RTN3: variants seen among roughly 807,000 people sequenced by gnomAD.
The protein encoded by RTN3 is reticulon 3.
RTN3 carries 49 observed loss-of-function variants against 77.8 expected under a neutral mutation model. The ratio of observed to expected loss-of-function variants is 0.63; its 90% confidence interval spans 0.50 to 0.80. RTN3 has a LOEUF of 0.80. RTN3 is among the 30% of genes least tolerant of loss of function. The pLI, the probability that RTN3 is intolerant of heterozygous loss-of-function variation, is 0.00. For synonymous variants in RTN3, 464 were observed against 446.9 expected (o/e 1.04, Z -0.48); for missense variants, 1,236 against 1,211.9 (o/e 1.02, Z -0.29).
chr11:63,689,366 A>G (rs1183384462), intron 1 of RTN3, among the ~76,000 whole-genome samples: 2 of 152,228 alleles, frequency 1.3e-5, no homozygotes, highest in Non-Finnish European at 2.9e-5. Flanking sequence ...ATTTTGGATC[A>G]TAGGGTATGG....
rs995646961 is a variant in RTN3 at position 63,681,542 on chromosome 11, C to T, written c.-95C>T. The T allele has an allele frequency of 9.1e-6, 12 of 1,322,596 alleles. No individual in the cohort carries two copies. The African/African-American group carries it at 1.2e-4, about 13-fold the overall frequency. 81.9% of individuals were successfully genotyped at this position (1,322,596 alleles called of 1,614,324 possible). A position where few individuals can be genotyped will look rare whatever the true frequency, so the allele number is the denominator to read the frequency against. ...CCTCGGAGCAGGCGGAGTAAAGGGA[C>T]TTGAGCGAGCCAGTTGCCGGATTAT... On this transcript the variant is annotated 5_prime_UTR_variant, in exon 1 of 9. Transcript: ENST00000377819.
chr11:63,753,817 C>T, intron 7 of RTN3, 109 bp downstream of exon 7: 8 of 1,022,298 alleles, frequency 7.8e-6, no homozygotes, highest in Middle Eastern at 4.6e-4. Context: ...ACTATTTCTA[C>T]AATCTAATTT....
In RTN3 at chr11:63,684,079, G is replaced by C. The variant is rs1314829006; in HGVS notation, c.142+2301G>C. ...TGATTCTCATGCTTCAGCCACCCGAGTAGCTGGAATTACAGGCGTGTGCCA... is the reference window on the plus strand; with the variant it reads ...TGATTCTCATGCTTCAGCCACCCGACTAGCTGGAATTACAGGCGTGTGCCA... On this transcript the variant is annotated intron_variant, in intron 1 of 8. Transcript: ENST00000377819. Among the ~76,000 whole-genome samples the C allele has an allele frequency of 2.2e-5, 3 of 136,678 alleles. No individual in the cohort carries two copies. In the Admixed American group the frequency reaches 2.2e-4, roughly 10 times the overall value. 89.7% of individuals were successfully genotyped at this position (136,678 alleles called of 152,430 possible).
intron 5 of RTN3, 118 bp from the exon 6 acceptor site, chr11:63,752,951 T>G: frequency 1.0e-6 from 1 of 993,194 alleles, no homozygotes; most frequent in Non-Finnish European, 1.6e-6. Context: ...TTGGAAATTG[T>G]CCATGTCACA....
At chr11:63,717,001 G>GA (rs2011455338) in intron 2 of RTN3, among the ~76,000 whole-genome samples, 2 of 123,814 alleles carry the variant, frequency 1.6e-5, no homozygotes, top group African/African-American at 2.8e-5. Context: ...AAAAAGAAAA[G>GA]AAAGTTTAAA....
chr11:63,752,461 T>C (rs1180539599), intron 4 of RTN3, 46 bp from the exon 5 acceptor site: 3 of 1,586,296 alleles, frequency 1.9e-6, no homozygotes, highest in Non-Finnish European at 2.6e-6. Context: ...GCTAACAAAA[T>C]CTTCTTCCAT....
At position 63,681,711 on chromosome 11, in the gene RTN3, C is replaced by A; in HGVS notation, c.75C>A (p.Pro25=). 3 of 1,606,592 alleles carry A rather than the reference C, an allele frequency of 1.9e-6. No individual in the cohort carries two copies. In the South Asian group the frequency reaches 3.3e-5, roughly 18 times the overall value. ...CCTTCGGAGCCGAGCCGTCCGCGCC[C>A]GGCGGCGGCGGGAGCCCAGGAGCCT... ...SSSFGAEPSA[P]GGGGSPGACP... Residue 25 remains proline, a synonymous_variant, in exon 1 of 9, where the codon CCC becomes CCA. Transcript: ENST00000377819.
chr11:63,714,525 C>G (rs1360773079), intron 2 of RTN3: 1 of 147,362 alleles, frequency 6.8e-6, no homozygotes, highest in Admixed American at 7.0e-5. Flanking sequence ...CTTCTCTTCT[C>G]TTCTCTTTTC....
At chr11:63,729,460 G>GTTTTT (rs1223266871) in intron 3 of RTN3, among the ~76,000 whole-genome samples, 1 of 49,252 alleles carries the variant, frequency 2.0e-5, no homozygotes. Context: ...TTTTTTTTTT[G>GTTTTT]TTTGTTTGAG....
At chr11:63,721,079 AT>A in intron 3 of RTN3, 47 bp downstream of exon 3, 1 of 1,486,020 alleles carries the variant, frequency 6.7e-7, no homozygotes, top group Non-Finnish European at 9.0e-7. Context: ...TCTGTGATTG[AT>A]TACTTATCAG....
intron 3 of RTN3, among the ~76,000 whole-genome samples, chr11:63,746,727 G>A (rs1267903362): frequency 1.3e-5 from 2 of 152,052 alleles, no homozygotes; most frequent in Non-Finnish European, 2.9e-5. Flanking sequence ...TGTTAGCCAG[G>A]ATGGTCTCGG....
intron 1 of RTN3, among the ~76,000 whole-genome samples, chr11:63,700,307 A>G (rs1470628065): frequency 6.1e-5 from 3 of 49,164 alleles, no homozygotes; most frequent in Admixed American, 2.3e-4. Context: ...GTAAGGTCTC[A>G]CTCTGTTGCC....
intron 2 of RTN3, among the ~76,000 whole-genome samples, chr11:63,709,549 A>C (rs1942648566): frequency 6.6e-6 from 1 of 152,050 alleles, no homozygotes; most frequent in Admixed American, 6.6e-5. Context: ...GCAAGCATTG[A>C]GGAAAAAATA....
At chr11:63,724,705 C>G (rs1343474190) in intron 3 of RTN3, among the ~76,000 whole-genome samples, 1 of 151,470 alleles carries the variant, frequency 6.6e-6, no homozygotes, top group African/African-American at 2.4e-5. Flanking sequence ...ATTGGCCAGG[C>G]TGGTCTCGAA....
intron 3 of RTN3, among the ~76,000 whole-genome samples, chr11:63,736,896 A>G (rs577485234): frequency 6.6e-6 from 1 of 152,144 alleles, no homozygotes; most frequent in South Asian, 2.1e-4. Flanking sequence ...GGTTCTGTCC[A>G]CAGTTAGGGG....
At chr11:63,752,707 G>A in intron 5 of RTN3, 62 bp downstream of exon 5, 1 of 1,549,352 alleles carries the variant, frequency 6.5e-7, no homozygotes, top group Non-Finnish European at 8.8e-7. Context: ...GTTATAATTT[G>A]GAGGAAAAAC....
At chr11:63,724,882 TAAC>T (rs2012126242) in intron 3 of RTN3, among the ~76,000 whole-genome samples, 1 of 151,900 alleles carries the variant, frequency 6.6e-6, no homozygotes, top group Non-Finnish European at 1.5e-5. Context: ...CTCGGTGTCT[TAAC>T]AATTAGAGAT....
chr11:63,684,544 C>T (rs951592298), intron 1 of RTN3, among the ~76,000 whole-genome samples: 1 of 151,926 alleles, frequency 6.6e-6, no homozygotes, highest in Non-Finnish European at 1.5e-5. Context: ...CTGCCCTCCT[C>T]GGCCTCCCAA....
At chr11:63,688,270 C>T (rs1451483649) in intron 1 of RTN3, among the ~76,000 whole-genome samples, 1 of 143,908 alleles carries the variant, frequency 6.9e-6, no homozygotes, top group Non-Finnish European at 1.5e-5. Flanking sequence ...GTCGCCCAGG[C>T]GGGAGTGCAG....
Sources: gnomAD v4.1 joint callset for allele counts (sites outside exome capture counted in the v4.1 genomes callset) on GRCh38, gnomAD v4.1.1 for gene constraint, MANE v1.5 for transcripts, NCBI Gene and HGNC (gene_info 2026-07-23, HGNC 2026-07-21) for gene names.